PIEZO2: variants seen among roughly 807,000 people sequenced by gnomAD.
PIEZO2 encodes the protein piezo type mechanosensitive ion channel component 2.
PIEZO2 carries 172 observed loss-of-function variants against 337.3 expected under a neutral mutation model. The observed-to-expected ratio is 0.51, with a 90% CI of 0.45 to 0.58. The LOEUF (loss-of-function observed/expected upper bound fraction) is 0.58. PIEZO2 is among the 20% of genes least tolerant of loss of function. The pLI, the probability that PIEZO2 is intolerant of heterozygous loss-of-function variation, is 0.00. For missense variants in PIEZO2, 3,028 were observed against 3,391.3 expected, an observed-to-expected ratio of 0.89 and a Z score of 2.66; for synonymous variants, 1,251 against 1,228.5, an observed-to-expected ratio of 1.02 and a Z score of -0.38.
chr18:10,762,129 C>G (rs138462729), intron 23 of PIEZO2, among the ~76,000 whole-genome samples: 2 of 152,144 alleles, frequency 1.3e-5, no homozygotes, highest in Non-Finnish European at 2.9e-5. Context: ...TTCTTTGTGT[C>G]TAGAAGAGAT....
intron 7 of PIEZO2, among the ~76,000 whole-genome samples, chr18:10,835,126 T>C (rs2040966895): frequency 6.6e-6 from 1 of 152,174 alleles, no homozygotes; most frequent in African/African-American, 2.4e-5. Context: ...AGGCACCGAC[T>C]CTGTTGGCAC....
chr18:10,754,568 G>C (rs71364236), intron 27 of PIEZO2, among the ~76,000 whole-genome samples: 1 of 152,170 alleles, frequency 6.6e-6, no homozygotes, highest in African/African-American at 2.4e-5. Context: ...TTATGATTTA[G>C]GTTTTTCATG....
rs1364729665 is a variant in PIEZO2, at chr18:10,819,250, T to C, written c.918-11976A>G. Among the ~76,000 whole-genome samples the C allele has an allele frequency of 6.6e-6, 1 of 152,250 alleles. No homozygotes were observed. The highest frequency in any genetic ancestry group is 1.5e-5 in the Non-Finnish European group (1 of 68,042). ...TAAAACTGGAGGCATTTGTATGATA[T>C]ACAGTTAAATATTTATAAATGGTAT... On this transcript the variant is annotated intron_variant, in intron 7 of 55. Transcript: ENST00000674853. The surrounding 1 kb of genome is among the most constrained non-coding windows in gnomAD (Gnocchi z 4.3).
intron 42 of PIEZO2, 134 bp downstream of exon 42, chr18:10,704,260 G>T: frequency 8.4e-7 from 1 of 1,185,440 alleles, no homozygotes; most frequent in Non-Finnish European, 1.1e-6. Context: ...GAATGTCTGT[G>T]GAACTGCATG....
At position 10,789,241 on chromosome 18, in the gene PIEZO2, C is replaced by A. The variant is rs1469103674; in HGVS notation, c.2007G>T (p.Gln669His). The change falls in exon 15 of 56, where the codon CAG becomes CAT. Residue 669 changes from glutamine (Q) to histidine (H), a missense_variant. By Grantham distance (24) the Gln-to-His change is conservative. Coordinates refer to ENST00000674853, the MANE Select transcript of PIEZO2 (RefSeq NM_001378183.1). ...EQEEAEEEDE[Q>H]DIMKVLGNLV... ...GATTGCCCAGGACTTTCATGATGTC[C>A]TGCTCATCTTCTTCTTCAGCTTCCT... 7 of 1,537,148 alleles carry A rather than the reference C, an allele frequency of 4.6e-6. No homozygotes were observed. The highest frequency in any genetic ancestry group is 6.1e-6 in the Non-Finnish European group (7 of 1,146,918).
Position 10,676,088 on chromosome 18 carries a change from G to A in PIEZO2, c.8082-800C>T, listed in dbSNP as rs1399726678. ...ACTTCATGAATTGATCTAGAGGGGA[G>A]TGAGAGGTGAAGAGAGATGGTGGCC... On this transcript the variant is annotated intron_variant, in intron 53 of 55. Coordinates refer to ENST00000674853, the MANE Select transcript of PIEZO2 (RefSeq NM_001378183.1). The surrounding 1 kb of genome is among the most constrained non-coding windows in gnomAD (Gnocchi z 5.1). Among the ~76,000 whole-genome samples, 1 of 152,212 alleles carries A rather than the reference G, an allele frequency of 6.6e-6. No homozygotes were observed. The highest frequency in any genetic ancestry group is 1.9e-4 in the East Asian group (1 of 5,204).
intron 36 of PIEZO2, among the ~76,000 whole-genome samples, chr18:10,720,269 G>C (rs1043799300): frequency 3.2e-5 from 4 of 123,382 alleles, no homozygotes; most frequent in Non-Finnish European, 6.5e-5. Flanking sequence ...GTAATATAAA[G>C]AGAGAATACA....
intron 2 of PIEZO2, among the ~76,000 whole-genome samples, chr18:10,984,314 C>T (rs372185714): frequency 3.9e-5 from 6 of 151,982 alleles, no homozygotes; most frequent in African/African-American, 1.4e-4. Flanking sequence ...CAGTGAGCTA[C>T]AAGGGAGTAT....
chr18:11,037,991 T>C (rs1432440183), intron 2 of PIEZO2, among the ~76,000 whole-genome samples: 1 of 152,224 alleles, frequency 6.6e-6, no homozygotes, highest in Non-Finnish European at 1.5e-5. Flanking sequence ...GAATACCCCA[T>C]TGCCACACAC....
rs1198354810 is a variant in PIEZO2 at position 10,819,864 on chromosome 18, C to T, written c.918-12590G>A. ...TTTGTGTAGTGCAGGTCTGCTGGTG[C>T]AAAATTCTCTCAGTCTTTCGTATCT... On this transcript the variant is annotated intron_variant, in intron 7 of 55. Coordinates refer to ENST00000674853, the MANE Select transcript of PIEZO2 (RefSeq NM_001378183.1). This position sits in a 1 kb window ranked among gnomAD's most constrained non-coding sequence, Gnocchi z 4.3. Among the ~76,000 whole-genome samples, 1 of 152,166 alleles carries T rather than the reference C, an allele frequency of 6.6e-6. No individual in the cohort carries two copies. The highest frequency in any genetic ancestry group is 1.5e-5 in the Non-Finnish European group (1 of 68,014).
intron 12 of PIEZO2, among the ~76,000 whole-genome samples, chr18:10,797,042 A>G (rs1366756617): frequency 6.6e-6 from 1 of 151,786 alleles, no homozygotes; most frequent in Non-Finnish European, 1.5e-5. Flanking sequence ...CTTACATACC[A>G]TCATATATGT....
In PIEZO2 at chr18:10,943,382, C is replaced by A. The variant is rs2032826627; in HGVS notation, c.287-32154G>T. Among the ~76,000 whole-genome samples, 1 of 152,186 alleles carries A rather than the reference C, an allele frequency of 6.6e-6. No individual in the cohort carries two copies. Among genetic ancestry groups the A allele is most frequent in the Non-Finnish European group, 1.5e-5 (1 of 68,028 alleles). ...TGGAGTTACCCAAGGCCGTGGGAGA[C>A]CACCTCTTGCATCAGTGTGACCTGG... is the stretch of plus-strand genomic sequence containing the variant. On this transcript the variant is annotated intron_variant, in intron 3 of 55. Coordinates refer to ENST00000674853, the MANE Select transcript of PIEZO2 (RefSeq NM_001378183.1). This position sits in a 1 kb window ranked among gnomAD's most constrained non-coding sequence, Gnocchi z 4.5.
In PIEZO2 at chr18:10,774,938, T is replaced by C. The variant is rs149763444; in HGVS notation, c.2535-900A>G. ...ATTAATTTTCTACCAAATGAGGAAG[T>C]TTGATTAGATAAAATGCAGGTTTAC... is the stretch of plus-strand genomic sequence containing the variant. On this transcript the variant is annotated intron_variant, in intron 18 of 55. Transcript: ENST00000674853. Among the ~76,000 whole-genome samples, 255 of 152,308 alleles carry C rather than the reference T, an allele frequency of 1.7e-3. 2 individuals are homozygous for C. The highest frequency in any genetic ancestry group is 5.9e-3 in the African/African-American group (244 of 41,570).
intron 3 of PIEZO2, among the ~76,000 whole-genome samples, chr18:10,946,767 A>G (rs2033045023): frequency 6.6e-6 from 1 of 152,204 alleles, no homozygotes; most frequent in Non-Finnish European, 1.5e-5. Context: ...AATAGTATCT[A>G]GAATCTCATA....
rs2035575273 is a variant in PIEZO2 at position 11,002,379 on chromosome 18, T to C, written c.161-22719A>G. On this transcript the variant is annotated intron_variant, in intron 2 of 55. Transcript: ENST00000674853. This position sits in a 1 kb window ranked among gnomAD's most constrained non-coding sequence, Gnocchi z 4.3. ...ATCAGTAAAAAGAAACCAAAAGGAC[T>C]GTGTTTTGATATTCAAGAAATTCCC... Among the ~76,000 whole-genome samples, 1 of 152,218 alleles carries C rather than the reference T, an allele frequency of 6.6e-6. No individual in the cohort carries two copies. The highest frequency in any genetic ancestry group is 1.5e-5 in the Non-Finnish European group (1 of 68,034).
chr18:11,100,171 G>A (rs1235247428), intron 1 of PIEZO2, among the ~76,000 whole-genome samples: 1 of 152,182 alleles, frequency 6.6e-6, no homozygotes, highest in East Asian at 1.9e-4. Flanking sequence ...ATGCTCTGTA[G>A]GGTAGATTTA....
intron 2 of PIEZO2, among the ~76,000 whole-genome samples, chr18:11,019,651 T>C (rs1285534223): frequency 6.6e-6 from 1 of 152,202 alleles, no homozygotes. Flanking sequence ...CAGTGTTTTA[T>C]ATTGATGCTC....
At chr18:11,004,298 A>T (rs1287854607) in intron 2 of PIEZO2, among the ~76,000 whole-genome samples, 1 of 152,152 alleles carries the variant, frequency 6.6e-6, no homozygotes, top group Non-Finnish European at 1.5e-5. Flanking sequence ...TACCAGACAC[A>T]ACTTCCAAAT....
intron 3 of PIEZO2, among the ~76,000 whole-genome samples, chr18:10,976,369 T>C (rs1439073723): frequency 1.3e-5 from 2 of 152,354 alleles, no homozygotes; most frequent in East Asian, 1.9e-4. Context: ...AGAAGAAATT[T>C]ATGATTTCTA....
Sources: allele counts gnomAD v4.1 joint callset (sites outside exome capture counted in the v4.1 genomes callset), GRCh38; gene constraint gnomAD v4.1.1; non-coding constraint Gnocchi (gnomAD v3.1); transcripts MANE v1.5; gene names NCBI Gene and HGNC (gene_info 2026-07-23, HGNC 2026-07-21).